The following CRADD variants were observed in gnomAD, a reference collection of about 807,000 sequenced individuals.
CRADD encodes death domain-containing protein CRADD.
A neutral mutation model predicts 15.5 loss-of-function variants in CRADD; 9 were observed. That is an observed-to-expected ratio of 0.58 (90% CI 0.35 to 1.01). The LOEUF is 1.01. Among genes scored for constraint, CRADD ranks in the 50% least tolerant of loss-of-function variants. CRADD has a pLI of 0.02. For synonymous variants in CRADD, 118 were observed against 107.6 expected (o/e 1.10, Z -0.60); for missense variants, 227 against 250.3 (o/e 0.91, Z 0.63).
chr12:93,783,528 G>A (rs534413688), intron 2 of CRADD, among the ~76,000 whole-genome samples: 1 of 152,162 alleles, frequency 6.6e-6, no homozygotes, highest in African/African-American at 2.4e-5. Context: ...TGCAAGGTAT[G>A]GTTGTTACTG....
At chr12:93,862,500 G>A (rs115481922) in intron 2 of CRADD, among the ~76,000 whole-genome samples, 305 of 152,308 alleles carry the variant, frequency 2.0e-3, no homozygotes, top group African/African-American at 6.4e-3. Flanking sequence ...AGGTGTGCTA[G>A]AGGAAGGGGA....
At chr12:93,761,654 T>C (rs1236922731) in intron 2 of CRADD, among the ~76,000 whole-genome samples, 1 of 152,174 alleles carries the variant, frequency 6.6e-6, no homozygotes, top group African/African-American at 2.4e-5. Flanking sequence ...TACAACTCTT[T>C]AAGTTCATAC....
downstream of CRADD, among the ~76,000 whole-genome samples, chr12:93,853,938 A>G (rs763561418): frequency 6.6e-6 from 1 of 152,176 alleles, no homozygotes; most frequent in Non-Finnish European, 1.5e-5. Flanking sequence ...TTTCATTGTT[A>G]TAAACAGTGA....
chr12:93,878,428 G>T (rs922377183), intron 2 of CRADD, among the ~76,000 whole-genome samples: 1 of 152,128 alleles, frequency 6.6e-6, no homozygotes, highest in Non-Finnish European at 1.5e-5. Flanking sequence ...ATCTTTTGGA[G>T]CCATGAGCTG....
At chr12:93,766,263 A>G (rs991560144) in intron 2 of CRADD, among the ~76,000 whole-genome samples, 17 of 152,164 alleles carry the variant, frequency 1.1e-4, no homozygotes. Flanking sequence ...TCTGGGATTT[A>G]GCTTAGCAGA....
intron 2 of CRADD, among the ~76,000 whole-genome samples, chr12:93,797,757 A>G (rs1957435489): frequency 6.6e-6 from 1 of 152,220 alleles, no homozygotes; most frequent in African/African-American, 2.4e-5. Context: ...AGAACATTAT[A>G]ACAATGCATA....
intron 2 of CRADD, among the ~76,000 whole-genome samples, 186 bp downstream of exon 2, chr12:93,679,258 C>T (rs1299491740): frequency 2.6e-5 from 4 of 152,188 alleles, no homozygotes; most frequent in Non-Finnish European, 1.5e-5. Flanking sequence ...TCACTTGCTT[C>T]AGCCTCCCGA....
chr12:93,729,742 G>A (rs1236735312), intron 2 of CRADD, among the ~76,000 whole-genome samples: 1 of 148,162 alleles, frequency 6.7e-6, no homozygotes, highest in South Asian at 2.1e-4. Context: ...CCGAGATTGC[G>A]CCAGTGCACT....
At chr12:93,738,555 C>T (rs911978340) in intron 2 of CRADD, 51 of 691,366 alleles carry the variant, frequency 7.4e-5, no homozygotes, top group East Asian at 5.9e-4. Context: ...TCATTCCTCA[C>T]ACCTGCCTCA....
At chr12:93,776,754 T>G (rs1338407597) in intron 2 of CRADD, among the ~76,000 whole-genome samples, 1 of 152,192 alleles carries the variant, frequency 6.6e-6, no homozygotes, top group Non-Finnish European at 1.5e-5. Context: ...GTGGATAACC[T>G]TTGAAAGCAT....
At chr12:93,794,534 T>C (rs1018338619) in intron 2 of CRADD, among the ~76,000 whole-genome samples, 3 of 152,094 alleles carry the variant, frequency 2.0e-5, no homozygotes, top group African/African-American at 4.8e-5. Flanking sequence ...TATTGTCATA[T>C]CTCCAAATTT....
At chr12:93,873,816 T>C (rs922657019) in intron 2 of CRADD, among the ~76,000 whole-genome samples, 1 of 152,116 alleles carries the variant, frequency 6.6e-6, no homozygotes, top group Non-Finnish European at 1.5e-5. Flanking sequence ...GATTTGTTCG[T>C]GTTTTGTTGA....
chr12:93,880,245 G>A (rs926698351), intron 2 of CRADD, among the ~76,000 whole-genome samples: 6 of 152,154 alleles, frequency 3.9e-5, no homozygotes, highest in Admixed American at 2.6e-4. Context: ...GAGAAAGCAT[G>A]TTGGCTTAGT....
At chr12:93,757,315 T>A (rs1450443436) in intron 2 of CRADD, among the ~76,000 whole-genome samples, 1 of 152,230 alleles carries the variant, frequency 6.6e-6, no homozygotes, top group Non-Finnish European at 1.5e-5. Context: ...CTCTCTCTGG[T>A]AGGTTATGTG....
At chr12:93,781,104 G>A (rs1009062508) in intron 2 of CRADD, among the ~76,000 whole-genome samples, 3 of 151,944 alleles carry the variant, frequency 2.0e-5, no homozygotes, top group African/African-American at 7.3e-5. Context: ...CTAGAGCAAA[G>A]CCATCAAAGA....
chr12:93,878,305 G>T (rs375450380), intron 2 of CRADD, among the ~76,000 whole-genome samples: 1 of 152,154 alleles, frequency 6.6e-6, no homozygotes, highest in South Asian at 2.1e-4. Context: ...TGGAATGAAG[G>T]CCTCAGGACC....
intron 2 of CRADD, among the ~76,000 whole-genome samples, chr12:93,750,385 G>C (rs886358809): frequency 6.6e-6 from 1 of 152,204 alleles, no homozygotes; most frequent in Admixed American, 6.5e-5. Context: ...TGATTCTGTA[G>C]AGGATGTGAC....
At chr12:93,873,455 G>GT (rs1459130506) in intron 2 of CRADD, among the ~76,000 whole-genome samples, 1 of 152,094 alleles carries the variant, frequency 6.6e-6, no homozygotes, top group African/African-American at 2.4e-5. Context: ...TTTAATAACA[G>GT]TGGTGAAAGT....
chr12:93,820,221 A>C (rs1249826375), intron 2 of CRADD, among the ~76,000 whole-genome samples: 1 of 152,004 alleles, frequency 6.6e-6, no homozygotes, highest in Non-Finnish European at 1.5e-5. Context: ...AATCATCATC[A>C]TCCCTCCCCT....
Sources: gnomAD v4.1 joint callset for allele counts (sites outside exome capture counted in the v4.1 genomes callset) on GRCh38, gnomAD v4.1.1 for gene constraint, MANE v1.5 for transcripts, NCBI Gene and HGNC (gene_info 2026-07-23, HGNC 2026-07-21) for gene names.